The following TENM3 variants were observed in gnomAD, a reference collection of about 807,000 sequenced individuals.
The protein encoded by TENM3 is teneurin-3.
A neutral mutation model predicts 255.1 loss-of-function variants in TENM3; 63 were observed. The ratio of observed to expected loss-of-function variants is 0.25; its 90% CI spans 0.20 to 0.30. The LOEUF is 0.30. TENM3 is among the 10% of genes least tolerant of loss of function. TENM3 has a pLI of 1.00. For missense variants in TENM3, 2,929 were observed against 3,461.1 expected, an observed-to-expected ratio of 0.85 and a Z score of 3.86; for synonymous variants, 1,306 against 1,322.3, an observed-to-expected ratio of 0.99 and a Z score of 0.27.
chr4:181,506,022 C>A, the TENM3 span, among the ~76,000 whole-genome samples: 2 of 151,986 alleles, frequency 1.3e-5, no homozygotes, highest in East Asian at 3.9e-4. Context: ...TGATAAAAAA[C>A]GTTTTACTTT....
the TENM3 span, among the ~76,000 whole-genome samples, chr4:182,020,655 C>T: frequency 3.9e-5 from 6 of 151,900 alleles, no homozygotes; most frequent in Non-Finnish European, 8.8e-5. Flanking sequence ...TCTAGGTACC[C>T]GATAAATATA....
the TENM3 span, among the ~76,000 whole-genome samples, chr4:182,070,853 G>A: frequency 4.6e-5 from 7 of 152,128 alleles, no homozygotes; most frequent in Admixed American, 3.9e-4. Flanking sequence ...CAATTTGGGG[G>A]TACCTTTCCT....
chr4:181,620,574 T>C, the TENM3 span, among the ~76,000 whole-genome samples: 2 of 151,894 alleles, frequency 1.3e-5, no homozygotes, highest in Admixed American at 1.3e-4. Context: ...TCTCAATGTT[T>C]CATGCAGAAA....
At chr4:181,665,520 C>T in the TENM3 span, among the ~76,000 whole-genome samples, 69 of 152,068 alleles carry the variant, frequency 4.5e-4, no homozygotes, top group Non-Finnish European at 8.4e-4. Context: ...TTAGAATCAT[C>T]GCGTGCGTGT....
At chr4:182,017,404 A>T in the TENM3 span, among the ~76,000 whole-genome samples, 1 of 152,184 alleles carries the variant, frequency 6.6e-6, no homozygotes, top group Non-Finnish European at 1.5e-5. Context: ...TTTTTCCTGG[A>T]TTGAGTTTTA....
Position 182,213,828 on chromosome 4 carries a change from G to A in TENM3, c.-76+69074G>A, listed in dbSNP as rs1166523925. 2.0e-5 allele frequency among the ~76,000 whole-genome samples: 3 copies of A among 152,096 alleles called. No homozygotes were observed. In the East Asian group the frequency reaches 5.8e-4, roughly 29 times the overall value. On this transcript the variant is annotated intron_variant, in intron 1 of 2. Coordinates refer to the TENM3 transcript ENST00000512480. ...CATGTTTTTATTTTTTTGAGACAGA[G>A]TCTCCCTCTGTCGCCCAGGCTGGAG...
chr4:181,455,479 A>T, the TENM3 span, among the ~76,000 whole-genome samples: 2 of 152,174 alleles, frequency 1.3e-5, no homozygotes, highest in Non-Finnish European at 2.9e-5. Context: ...CTCTAAACAC[A>T]TATTTAAAAG....
At chr4:182,228,291 C>A (rs1349684014) in intron 1 of TENM3, among the ~76,000 whole-genome samples, 1 of 151,014 alleles carries the variant, frequency 6.6e-6, no homozygotes, top group African/African-American at 2.4e-5. Context: ...CTATAGTAAC[C>A]ATTTTACTAT....
chr4:181,752,483 C>T, the TENM3 span, among the ~76,000 whole-genome samples: 802 of 151,952 alleles, frequency 5.3e-3, 8 homozygotes, highest in African/African-American at 0.018. Context: ...ACCCTGGAGG[C>T]GGATGTTTCA....
rs150202066 is a variant in TENM3 at position 182,777,511 on chromosome 4, ATGTGTG to A, written c.5304+2384_5304+2389del. ...CTCTCTGTCTATACATAATGTGTTT[ATGTGTG>A]TGTGTGTGTGTGTGTGTGTGTGTGT... On this transcript the variant is annotated intron_variant, in intron 24 of 27. Coordinates refer to ENST00000511685, the MANE Select transcript of TENM3 (RefSeq NM_001080477.4). Among the ~76,000 whole-genome samples, 54 of 99,896 alleles carry A rather than the reference ATGTGTG, an allele frequency of 5.4e-4. No individual in the cohort carries two copies. In the East Asian group the frequency reaches 7.1e-3, roughly 13 times the overall value. 65.5% of individuals were successfully genotyped at this position (99,896 alleles called of 152,430 possible). A position where few individuals can be genotyped will look rare whatever the true frequency, so the allele number is the denominator to read the frequency against.
the TENM3 span, among the ~76,000 whole-genome samples, chr4:181,781,502 C>T: frequency 6.6e-6 from 1 of 152,148 alleles, no homozygotes; most frequent in African/African-American, 2.4e-5. Flanking sequence ...TGCTTATCAG[C>T]TTAAAGAGAT....
At chr4:181,897,333 C>T in the TENM3 span, among the ~76,000 whole-genome samples, 5 of 152,214 alleles carry the variant, frequency 3.3e-5, no homozygotes, top group East Asian at 5.8e-4. Context: ...TCAGCTTTGA[C>T]GCAGATATAA....
intron 3 of TENM3, among the ~76,000 whole-genome samples, chr4:182,505,401 CA>C (rs1014582282): frequency 1.6e-4 from 25 of 152,230 alleles, no homozygotes; most frequent in African/African-American, 6.0e-4. Flanking sequence ...AATTATTATA[CA>C]TTTTTTTAAA....
the TENM3 span, among the ~76,000 whole-genome samples, chr4:182,080,318 A>C: frequency 6.6e-6 from 1 of 152,198 alleles, no homozygotes; most frequent in East Asian, 1.9e-4. Flanking sequence ...AAGATGTTAT[A>C]GAAATATGTT....
chr4:182,440,280 T>G (rs1348528765), intron 3 of TENM3, among the ~76,000 whole-genome samples: 2 of 151,754 alleles, frequency 1.3e-5, no homozygotes, highest in Non-Finnish European at 2.9e-5. Context: ...CCCAGCTAAT[T>G]TTTTTGTATT....
In TENM3 at chr4:182,303,513, T is replaced by C. The variant is rs572274344; in HGVS notation, c.-75-20433T>C. ...TGACCCATCATTTCATTGTATCCAA[T>C]GCAACTGTGTATACCTGCCCTGATA... is the stretch of plus-strand genomic sequence containing the variant. On this transcript the variant is annotated intron_variant, in intron 1 of 27. Transcript: ENST00000511685. Among the ~76,000 whole-genome samples the C allele has an allele frequency of 1.1e-4, 17 of 152,328 alleles. No homozygotes were observed. In the South Asian group the frequency reaches 3.5e-3, roughly 32 times the overall value.
intron 1 of TENM3, among the ~76,000 whole-genome samples, chr4:182,262,766 T>C (rs1176345635): frequency 2.1e-5 from 3 of 146,224 alleles, no homozygotes; most frequent in South Asian, 2.2e-4. Flanking sequence ...CAGGCTGGAA[T>C]GCAGTGGCCT....
the TENM3 span, among the ~76,000 whole-genome samples, chr4:181,925,822 A>T: frequency 2.6e-5 from 4 of 152,206 alleles, no homozygotes; most frequent in East Asian, 7.7e-4. Context: ...ATTCCTAAAC[A>T]AGCTTTCCTG....
chr4:182,472,358 G>A (rs1328314814), intron 3 of TENM3, among the ~76,000 whole-genome samples: 1 of 151,946 alleles, frequency 6.6e-6, no homozygotes, highest in African/African-American at 2.4e-5. Context: ...ATGCAACTTT[G>A]TCCCCATTCC....
Sources: allele counts gnomAD v4.1 joint callset (sites outside exome capture counted in the v4.1 genomes callset), GRCh38; gene constraint gnomAD v4.1.1; transcripts MANE v1.5; gene names NCBI Gene and HGNC (gene_info 2026-07-23, HGNC 2026-07-21).